Variants in DNAJC10 observed in about 807,000 individuals in gnomAD.
DNAJC10 encodes DnaJ heat shock protein family (Hsp40) member C10.
DNAJC10 carries 101 observed loss-of-function variants against 115.0 expected under a neutral mutation model. The observed-to-expected ratio is 0.88, with a 90% confidence interval of 0.75 to 1.04. The LOEUF (loss-of-function observed/expected upper bound fraction) is 1.04, where lower values mean the gene tolerates loss of function less well. Ranked by LOEUF, DNAJC10 falls within the 50% of genes least tolerant of loss-of-function variation. DNAJC10 has a pLI of 0.00. For missense variants in DNAJC10, 981 were observed against 928.8 expected (o/e 1.06, Z -0.73); for synonymous variants, 307 against 301.5 (o/e 1.02, Z -0.19).
At chr2:182,758,194 CTG>C (rs1449576244) in intron 19 of DNAJC10, among the ~76,000 whole-genome samples, 2 of 152,090 alleles carry the variant, frequency 1.3e-5, no homozygotes, top group African/African-American at 4.8e-5. Context: ...GAGAAGTAAA[CTG>C]TGATTCTCAG....
intron 23 of DNAJC10, among the ~76,000 whole-genome samples, chr2:182,775,744 G>A (rs1481283145): frequency 2.0e-5 from 3 of 152,300 alleles, no homozygotes; most frequent in African/African-American, 7.2e-5. Context: ...TAAATGAAAT[G>A]TGGTGTATCC....
chr2:182,722,365 A>G (rs957382173), intron 5 of DNAJC10, among the ~76,000 whole-genome samples: 1 of 152,220 alleles, frequency 6.6e-6, no homozygotes, highest in African/African-American at 2.4e-5. Flanking sequence ...ACTTACAGCA[A>G]AACTTCTCAG....
At chr2:182,775,104 G>C (rs1323069709) in intron 22 of DNAJC10, among the ~76,000 whole-genome samples, 1 of 135,982 alleles carries the variant, frequency 7.4e-6, no homozygotes, top group Non-Finnish European at 1.6e-5. Context: ...ATTGTTTCAT[G>C]TTTCCGTGAC....
rs576321241 is a variant in DNAJC10 at position 182,793,531 on chromosome 2, A to G, written c.*16399A>G. 8.7e-4 allele frequency: 132 copies of G among 152,318 alleles called. 1 individual carries two copies. The highest frequency in any genetic ancestry group is 3.0e-3 in the African/African-American group (125 of 41,572). The allele number at this position is 152,318 out of a possible 1,614,324, so 9.4% of individuals were successfully genotyped here. On this transcript the variant is annotated 3_prime_UTR_variant, in exon 24 of 24. Coordinates refer to ENST00000264065, the MANE Select transcript of DNAJC10 (RefSeq NM_018981.4). ...AGGTATGCAGTGAACATTCATAGAC[A>G]GAAAACAAAAATTAAGTACAGAAAT...
chr2:182,750,447 T>G (rs1253006896), intron 14 of DNAJC10, among the ~76,000 whole-genome samples: 1 of 152,198 alleles, frequency 6.6e-6, no homozygotes, highest in Non-Finnish European at 1.5e-5. Context: ...TGGATAATTA[T>G]GTTATTGCCA....
At chr2:182,766,845 T>C (rs1254297067) in intron 22 of DNAJC10, among the ~76,000 whole-genome samples, 1 of 151,980 alleles carries the variant, frequency 6.6e-6, no homozygotes, top group East Asian at 1.9e-4. Flanking sequence ...TCTAATCTAC[T>C]TAAGGGGGAT....
intron 22 of DNAJC10, among the ~76,000 whole-genome samples, chr2:182,768,519 G>C (rs1422823134): frequency 6.6e-6 from 1 of 152,186 alleles, no homozygotes; most frequent in Non-Finnish European, 1.5e-5. Context: ...GGCCAAAGCA[G>C]AATAATGGTT....
rs561175707 is a variant in DNAJC10, at chr2:182,743,351, AAT to A, written c.1192-245_1192-244del. ...ACATCTTCAAAAAGTAGGTTTCTGGAATAACTTCATATTTTCTTGGGAATTCC... is the reference window on the plus strand; with the variant it reads ...ACATCTTCAAAAAGTAGGTTTCTGGAAACTTCATATTTTCTTGGGAATTCC... On this transcript the variant is annotated intron_variant, in intron 13 of 23. Transcript: ENST00000264065. Among the ~76,000 whole-genome samples the A allele has an allele frequency of 1.7e-3, 266 of 152,340 alleles. 2 individuals are homozygous for A. Among genetic ancestry groups the A allele is most frequent in the African/African-American group, 6.2e-3 (259 of 41,570 alleles).
chr2:182,745,147 C>G (rs867492228), intron 14 of DNAJC10, among the ~76,000 whole-genome samples: 1 of 152,174 alleles, frequency 6.6e-6, no homozygotes, highest in Non-Finnish European at 1.5e-5. Flanking sequence ...AAGCAATAAT[C>G]TCATCTGTTT....
In DNAJC10 at chr2:182,731,038, G is replaced by T; in HGVS notation, c.736G>T (p.Val246Phe). 6.2e-7 allele frequency: 1 copy of T among 1,608,654 alleles called. No individual in the cohort carries two copies. Among genetic ancestry groups the T allele is most frequent in the Non-Finnish European group, 8.5e-7 (1 of 1,178,120 alleles). ...TTTCTTTTATTTTTAAGGAAATTTTGTCAACTCCATACAAACTGCTTTTGC... is the reference window on the plus strand; with the variant it reads ...TTTCTTTTATTTTTAAGGAAATTTTTTCAACTCCATACAAACTGCTTTTGC... ...TVTELWTGNF[V>F]NSIQTAFAAG... Residue 246 changes from valine to phenylalanine, a missense_variant, in exon 9 of 24, where the codon GTC (valine) becomes TTC (phenylalanine). Val to Phe is a conservative substitution (Grantham distance 50, BLOSUM62 -1). Transcript: ENST00000264065.
Position 182,757,744 on chromosome 2 carries a change from C to CT in DNAJC10, c.1867dup (p.Cys623LeufsTer11). 1 of 1,605,024 alleles carries CT rather than the reference C, an allele frequency of 6.2e-7. No individual in the cohort carries two copies. On this transcript the variant is annotated frameshift_variant, in exon 19 of 24. Transcript: ENST00000264065. LOFTEE classifies it high-confidence loss of function. Reference sequence around the variant, plus strand: ...AGTATAGATTGCCAACAGTATCATTCTTTTTGTGCCCAGGAAAACGTTCAA... The same window carrying CT: ...AGTATAGATTGCCAACAGTATCATTCTTTTTTGTGCCCAGGAAAACGTTCAA...
rs929238240 is a variant in DNAJC10, at chr2:182,781,177, C to G, written c.*4045C>G. 4.6e-5 allele frequency: 7 copies of G among 152,110 alleles called. No individual in the cohort carries two copies. Among genetic ancestry groups the G allele is most frequent in the African/African-American group, 1.7e-4 (7 of 41,472 alleles). The allele number at this position is 152,110 out of a possible 1,614,324, so 9.4% of individuals were successfully genotyped here. A position where few individuals can be genotyped will look rare whatever the true frequency, so the allele number is the denominator to read the frequency against. On this transcript the variant is annotated 3_prime_UTR_variant, in exon 24 of 24. Transcript: ENST00000264065. ...GTTCCCCTCCCTGTGTCCATATGTT[C>G]TCATTGTTCAACTCCCACTTACGAG...
At chr2:182,726,544 C>T (rs574720329) in intron 5 of DNAJC10, among the ~76,000 whole-genome samples, 2 of 152,192 alleles carry the variant, frequency 1.3e-5, no homozygotes, top group Non-Finnish European at 2.9e-5. Flanking sequence ...CAGCATTTCA[C>T]GCTTCAGAGA....
At position 182,751,736 on chromosome 2, in the gene DNAJC10, AT is replaced by A; in HGVS notation, c.1389del (p.Pro464LeufsTer43). Reference sequence around the variant, plus strand: ...CATGTTACCACGCTTGGACCTCAAAATTTTCCTGCCAATGACAAAGAACCAT... The same window carrying A: ...CATGTTACCACGCTTGGACCTCAAAATTTCCTGCCAATGACAAAGAACCAT... ...NSHVTTLGPQNFPANDKEPWL... is the reference protein window; with the variant it reads ...NSHVTTLGPQXFPANDKEPWL... On this transcript the variant is annotated frameshift_variant, in exon 15 of 24. Transcript: ENST00000264065. LOFTEE classifies it high-confidence loss of function. 6.2e-7 allele frequency: 1 copy of A among 1,613,860 alleles called. No homozygotes were observed. Among genetic ancestry groups the A allele is most frequent in the Non-Finnish European group, 8.5e-7 (1 of 1,179,930 alleles).
chr2:182,721,112 G>T (rs1338350154), intron 4 of DNAJC10, among the ~76,000 whole-genome samples: 1 of 152,122 alleles, frequency 6.6e-6, no homozygotes, highest in African/African-American at 2.4e-5. Flanking sequence ...CAGAGACCCA[G>T]TGTTTCTCCT....
intron 14 of DNAJC10, among the ~76,000 whole-genome samples, chr2:182,748,830 C>T (rs1419935950): frequency 2.0e-5 from 3 of 152,004 alleles, no homozygotes; most frequent in East Asian, 1.9e-4. Flanking sequence ...GCTTTGAATG[C>T]GTCCCAGAGA....
At chr2:182,727,048 TTTTG>T (rs985092222) in intron 5 of DNAJC10, among the ~76,000 whole-genome samples, 3 of 92,908 alleles carry the variant, frequency 3.2e-5, no homozygotes, top group Admixed American at 9.8e-5. Context: ...ATGTACATTG[TTTTG>T]TTTGTTTTTT....
intron 22 of DNAJC10, among the ~76,000 whole-genome samples, chr2:182,772,033 T>C (rs1306813171): frequency 6.6e-6 from 1 of 152,214 alleles, no homozygotes; most frequent in Non-Finnish European, 1.5e-5. Flanking sequence ...TTGTTGCCAT[T>C]GGTTTCAAAG....
At chr2:182,726,882 C>T (rs557045145) in intron 5 of DNAJC10, among the ~76,000 whole-genome samples, 1 of 147,778 alleles carries the variant, frequency 6.8e-6, no homozygotes, top group Admixed American at 6.6e-5. Context: ...CGGGCATGTG[C>T]CACCATGTCC....
Sources: allele counts gnomAD v4.1 joint callset (sites outside exome capture counted in the v4.1 genomes callset), GRCh38; gene constraint gnomAD v4.1.1; transcripts MANE v1.5; gene names NCBI Gene and HGNC (gene_info 2026-07-23, HGNC 2026-07-21).